Variants in USH2A observed in about 807,000 individuals in gnomAD.
USH2A encodes the protein usherin.
USH2A carries 443 observed loss-of-function variants against 538.9 expected under a neutral mutation model. That is an observed-to-expected ratio of 0.82 (90% CI 0.76 to 0.89). USH2A has a LOEUF of 0.89. Ranked by LOEUF, USH2A falls within the 40% of genes least tolerant of loss-of-function variation. USH2A has a pLI of 0.00. For missense variants in USH2A, 6,633 were observed against 6,324.8 expected (o/e 1.05, Z -1.65); for synonymous variants, 2,413 against 2,273.5 (o/e 1.06, Z -1.75).
At chr1:215,662,594 A>T (rs1044945306) in intron 64 of USH2A, among the ~76,000 whole-genome samples, 5 of 152,244 alleles carry the variant, frequency 3.3e-5, no homozygotes, top group African/African-American at 4.8e-5. Flanking sequence ...GCAAAAAATG[A>T]TCAGGCCCTG....
chr1:216,333,650 C>T (rs866650659), intron 4 of USH2A, among the ~76,000 whole-genome samples: 1 of 151,982 alleles, frequency 6.6e-6, no homozygotes, highest in Non-Finnish European at 1.5e-5. Flanking sequence ...GATCCACACC[C>T]TAGGCACATT....
rs892001716 is a variant in USH2A, at chr1:216,422,394, A to G, written c.-58T>C. The G allele has an allele frequency of 1.9e-6, 3 of 1,609,746 alleles. No individual in the cohort carries two copies. The African/African-American group carries it at 4.0e-5, about 22-fold the overall frequency. On this transcript the variant is annotated 5_prime_UTR_variant, in exon 2 of 72. Coordinates refer to ENST00000307340, the MANE Select transcript of USH2A (RefSeq NM_206933.4). ...CATTTCTAAATAAATAATCAGGCCC[A>G]CGCCACTTGCCAGCAATACTTTGAA...
Position 216,244,334 on chromosome 1 carries a change from G to A in USH2A, c.2809+2251C>T, listed in dbSNP as rs561147440. Among the ~76,000 whole-genome samples the A allele has an allele frequency of 1.6e-4, 24 of 152,130 alleles. No individual in the cohort carries two copies. The South Asian group carries it at 4.4e-3, about 28-fold the overall frequency. ...AAAGCTAGGTGTCTAGACTGCGACT[G>A]GAAGATAAAAACTCATAAAGGTTTG... On this transcript the variant is annotated intron_variant, in intron 13 of 71. Transcript: ENST00000307340.
At chr1:215,791,664 T>G (rs1157652387) in intron 50 of USH2A, among the ~76,000 whole-genome samples, 1 of 152,222 alleles carries the variant, frequency 6.6e-6, no homozygotes, top group Non-Finnish European at 1.5e-5. Context: ...AATTAACTGC[T>G]ATATTTATAA....
intron 4 of USH2A, among the ~76,000 whole-genome samples, chr1:216,340,188 C>T (rs1167933883): frequency 6.6e-6 from 1 of 152,056 alleles, no homozygotes; most frequent in African/African-American, 2.4e-5. Context: ...GAAATACAAA[C>T]TACCATCAGA....
At chr1:215,720,182 A>T (rs1169816715) in intron 61 of USH2A, among the ~76,000 whole-genome samples, 2 of 152,096 alleles carry the variant, frequency 1.3e-5, no homozygotes, top group African/African-American at 4.8e-5. Context: ...TCATAAAAAA[A>T]ATTAAAGAAG....
At chr1:216,025,235 T>C (rs2102505468) in intron 32 of USH2A, among the ~76,000 whole-genome samples, 1 of 151,992 alleles carries the variant, frequency 6.6e-6, no homozygotes, top group African/African-American at 2.4e-5. Context: ...GATGGGCTTC[T>C]ATGCCCATCA....
At chr1:216,027,347 A>T (rs1193494261) in intron 32 of USH2A, among the ~76,000 whole-genome samples, 1 of 152,120 alleles carries the variant, frequency 6.6e-6, no homozygotes, top group African/African-American at 2.4e-5. Flanking sequence ...CCTCAGAGGA[A>T]ACCTAACCTA....
chr1:216,377,855 GAAAGAAAGAAAGAAGGAAAGAAAGA>G (rs2038861153), intron 3 of USH2A, among the ~76,000 whole-genome samples: 2 of 134,136 alleles, frequency 1.5e-5, no homozygotes, highest in Admixed American at 1.6e-4. Flanking sequence ...AAGAAAGAAA[GAAAGAAAGAAAGAAGGAAAGAAAGA>G]AAGGAAGGAA....
In USH2A at chr1:216,325,461, A is replaced by T; in HGVS notation, c.987T>A (p.Asp329Glu). The T allele has an allele frequency of 6.2e-7, 1 of 1,613,924 alleles. No homozygotes were observed. The highest frequency in any genetic ancestry group is 8.5e-7 in the Non-Finnish European group (1 of 1,179,924). The change falls in exon 6 of 72, where the codon GAT becomes GAA. Residue 329 changes from aspartate (D) to glutamate (E), a missense_variant. Coordinates refer to ENST00000307340, the MANE Select transcript of USH2A (RefSeq NM_206933.4). The part of the protein sequence containing the change: ...CIPNDAGDTA[D>E]NRVSRLNPEA... ...CAGGATTCAACCGTGACACTCTATT[A>T]TCAGCTGTGTCTCCTGCATCATTAG...
chr1:215,818,807 CATCTATGCT>C (rs1328034701), intron 47 of USH2A, among the ~76,000 whole-genome samples: 2 of 151,796 alleles, frequency 1.3e-5, no homozygotes, highest in Non-Finnish European at 2.9e-5. Flanking sequence ...CTAGACCACA[CATCTATGCT>C]ATCTTTAGTA....
chr1:215,710,793 C>A (rs569534114), intron 61 of USH2A, among the ~76,000 whole-genome samples: 11 of 151,778 alleles, frequency 7.2e-5, no homozygotes, highest in Non-Finnish European at 1.5e-5. Context: ...ATTTTCTGAA[C>A]GAGAATGACT....
chr1:216,014,447 T>C (rs750124228), intron 32 of USH2A, among the ~76,000 whole-genome samples: 1 of 152,148 alleles, frequency 6.6e-6, no homozygotes, highest in Middle Eastern at 3.2e-3. Context: ...TGCAACTGAT[T>C]TGGTAATATG....
intron 38 of USH2A, among the ~76,000 whole-genome samples, chr1:215,910,572 C>T (rs1288721135): frequency 6.6e-6 from 1 of 151,850 alleles, no homozygotes; most frequent in Admixed American, 6.6e-5. Flanking sequence ...ATCATAAGTA[C>T]TATATAAGTG....
chr1:216,265,077 C>T (rs2036446166), intron 11 of USH2A, among the ~76,000 whole-genome samples: 1 of 151,990 alleles, frequency 6.6e-6, no homozygotes, highest in African/African-American at 2.4e-5. Flanking sequence ...GGAGAGACGA[C>T]CTACAGAATG....
In USH2A at chr1:216,392,446, C is replaced by T. The variant is rs906526073; in HGVS notation, c.651+26068G>A. Among the ~76,000 whole-genome samples, 25 of 135,426 alleles carry T rather than the reference C, an allele frequency of 1.8e-4. 1 individual carries two copies. Among genetic ancestry groups the T allele is most frequent in the South Asian group, 9.8e-4 (4 of 4,094 alleles). The allele number at this position is 135,426 out of a possible 152,430, so 88.8% of individuals were successfully genotyped here. ...GGCAGAGCTTGCAGTGAGCTGAGAT[C>T]GTGCCACTGCACTCCAGCCTGGATG... On this transcript the variant is annotated intron_variant, in intron 3 of 71. Transcript: ENST00000307340.
At chr1:216,201,681 C>T in intron 16 of USH2A, 1 of 202,358 alleles carries the variant, frequency 4.9e-6, no homozygotes. Flanking sequence ...GAGGCCTCCG[C>T]TGGTGTTGTG....
intron 16 of USH2A, among the ~76,000 whole-genome samples, chr1:216,203,813 G>A (rs2035051669): frequency 6.6e-6 from 1 of 152,138 alleles, no homozygotes; most frequent in Non-Finnish European, 1.5e-5. Context: ...AATATCTGTA[G>A]GTGATAGAAG....
chr1:215,905,988 G>T (rs1665631216), intron 38 of USH2A, among the ~76,000 whole-genome samples: 1 of 151,888 alleles, frequency 6.6e-6, no homozygotes, highest in Non-Finnish European at 1.5e-5. Flanking sequence ...TATGAGCAAG[G>T]GTTTTAAATT....
Sources: allele counts gnomAD v4.1 joint callset (sites outside exome capture counted in the v4.1 genomes callset), GRCh38; gene constraint gnomAD v4.1.1; transcripts MANE v1.5; gene names NCBI Gene and HGNC (gene_info 2026-07-23, HGNC 2026-07-21).